Variants in SPATA16 observed in about 807,000 individuals in gnomAD.
SPATA16 encodes the protein spermatogenesis-associated protein 16.
SPATA16 carries 36 observed loss-of-function variants against 63.3 expected under a neutral mutation model. The ratio of observed to expected loss-of-function variants is 0.57; its 90% CI spans 0.44 to 0.75. SPATA16 has a LOEUF of 0.75. Among genes scored for constraint, SPATA16 ranks in the 30% least tolerant of loss-of-function variants. The pLI, the probability that SPATA16 is intolerant of heterozygous loss-of-function variation, is 0.00. For missense variants in SPATA16, 646 were observed against 679.3 expected (o/e 0.95, Z 0.54); for synonymous variants, 203 against 216.7 (o/e 0.94, Z 0.56).
At chr3:172,891,329 C>T (rs1418545128) in intron 10 of SPATA16, among the ~76,000 whole-genome samples, 1 of 152,044 alleles carries the variant, frequency 6.6e-6, no homozygotes, top group Non-Finnish European at 1.5e-5. Flanking sequence ...TCATTAAGAG[C>T]AGTACTGAGT....
chr3:172,943,350 G>A (rs1733203463), intron 6 of SPATA16, among the ~76,000 whole-genome samples: 1 of 152,182 alleles, frequency 6.6e-6, no homozygotes, highest in African/African-American at 2.4e-5. Context: ...GGAACAACAT[G>A]TAAATGCCTG....
chr3:173,110,753 A>G (rs746729746), intron 2 of SPATA16, among the ~76,000 whole-genome samples: 3 of 152,216 alleles, frequency 2.0e-5, no homozygotes, highest in Non-Finnish European at 4.4e-5. Context: ...CTCCAAATTC[A>G]GTGCCCTGTC....
chr3:172,970,903 G>A (rs1249130761), intron 5 of SPATA16, among the ~76,000 whole-genome samples: 1 of 152,114 alleles, frequency 6.6e-6, no homozygotes, highest in Non-Finnish European at 1.5e-5. Context: ...TTTGGGGTTA[G>A]CATACATTTT....
chr3:173,069,632 C>G (rs750102161), intron 2 of SPATA16, among the ~76,000 whole-genome samples: 9 of 152,268 alleles, frequency 5.9e-5, no homozygotes, highest in Admixed American at 2.0e-4. Context: ...CAGACTTATT[C>G]TATGAGGTCA....
chr3:172,943,958 G>C (rs895550912), intron 6 of SPATA16, among the ~76,000 whole-genome samples: 9 of 152,034 alleles, frequency 5.9e-5, no homozygotes, highest in Non-Finnish European at 1.0e-4. Context: ...TCATAAATTT[G>C]AAAATTTTTA....
chr3:172,958,788 C>T (rs1007084344), intron 5 of SPATA16, among the ~76,000 whole-genome samples: 10 of 151,510 alleles, frequency 6.6e-5, no homozygotes, highest in East Asian at 1.9e-4. Flanking sequence ...TGTGTGCACG[C>T]ACGTGTGTGT....
chr3:172,934,835 A>G (rs1732944333), intron 6 of SPATA16, among the ~76,000 whole-genome samples: 1 of 152,196 alleles, frequency 6.6e-6, no homozygotes, highest in South Asian at 2.1e-4. Context: ...CTTGATATAT[A>G]GATATTAGAT....
intron 5 of SPATA16, among the ~76,000 whole-genome samples, chr3:172,966,962 T>G (rs1290483782): frequency 6.6e-6 from 1 of 152,172 alleles, no homozygotes; most frequent in Non-Finnish European, 1.5e-5. Flanking sequence ...CATAAAACCC[T>G]CTAAATTTGG....
At chr3:172,939,056 T>A (rs1349400554) in intron 6 of SPATA16, among the ~76,000 whole-genome samples, 1 of 152,172 alleles carries the variant, frequency 6.6e-6, no homozygotes, top group Non-Finnish European at 1.5e-5. Flanking sequence ...TAAATCTACT[T>A]ATGACCCGGG....
intron 2 of SPATA16, among the ~76,000 whole-genome samples, chr3:173,066,927 AGG>A (rs1362050502): frequency 2.0e-5 from 3 of 152,176 alleles, no homozygotes; most frequent in African/African-American, 7.2e-5. Context: ...AAGATAACAC[AGG>A]AAAGGAATTA....
chr3:173,121,483 A>T (rs1222052912), intron 1 of SPATA16, among the ~76,000 whole-genome samples: 1 of 152,140 alleles, frequency 6.6e-6, no homozygotes, highest in African/African-American at 2.4e-5. Flanking sequence ...CTACCTTTCC[A>T]AACCTACCAA....
intron 1 of SPATA16, among the ~76,000 whole-genome samples, chr3:173,120,110 A>G (rs1205285717): frequency 4.6e-5 from 7 of 151,908 alleles, no homozygotes; most frequent in East Asian, 1.9e-4. Flanking sequence ...AAGAGAGAGA[A>G]AAAAAGAAAG....
chr3:173,020,865 A>G (rs1577135303), intron 3 of SPATA16, among the ~76,000 whole-genome samples: 1 of 152,180 alleles, frequency 6.6e-6, no homozygotes, highest in Non-Finnish European at 1.5e-5. Context: ...TATTTTTACA[A>G]GTTGATGGGA....
At chr3:173,077,987 G>A (rs1183153261) in intron 2 of SPATA16, among the ~76,000 whole-genome samples, 1 of 152,050 alleles carries the variant, frequency 6.6e-6, no homozygotes, top group African/African-American at 2.4e-5. Flanking sequence ...GATAATTAAA[G>A]CACCTCTATA....
In SPATA16 at chr3:173,106,081, T is replaced by C. The variant is rs112752474; in HGVS notation, c.612+11039A>G. ...AATAGGTAATAACACAGAGACTGAA[T>C]ACTATATTTTCTCTATATATACACT... is the stretch of plus-strand genomic sequence containing the variant. On this transcript the variant is annotated intron_variant, in intron 2 of 10. Transcript: ENST00000351008. Among the ~76,000 whole-genome samples, 792 of 152,296 alleles carry C rather than the reference T, an allele frequency of 5.2e-3. 4 individuals carry two copies. Among genetic ancestry groups the C allele is most frequent in the African/African-American group, 0.017 (719 of 41,568 alleles).
At position 173,051,256 on chromosome 3, in the gene SPATA16, G is replaced by A. The variant is rs1002948157; in HGVS notation, c.613-2162C>T. Among the ~76,000 whole-genome samples the A allele has an allele frequency of 3.3e-5, 5 of 152,176 alleles. No homozygotes were observed. In the East Asian group the frequency reaches 5.8e-4, roughly 18 times the overall value. On this transcript the variant is annotated intron_variant, in intron 2 of 10. Transcript: ENST00000351008. ...CTGGCTGTGTCTCCCAGGCTGGAGT[G>A]TAGTGGCGCGATCTCTCCTCACAGC...
intron 2 of SPATA16, among the ~76,000 whole-genome samples, chr3:173,108,760 T>C (rs1737679207): frequency 6.6e-6 from 1 of 152,206 alleles, no homozygotes; most frequent in African/African-American, 2.4e-5. Context: ...ATACCTTATT[T>C]TCACTATATC....
At chr3:173,138,806 A>G (rs1383194225) in intron 1 of SPATA16, among the ~76,000 whole-genome samples, 2 of 152,190 alleles carry the variant, frequency 1.3e-5, no homozygotes, top group Non-Finnish European at 2.9e-5. Context: ...GGTCAACTCA[A>G]TTACCTTTCA....
At chr3:173,059,055 G>C (rs1736314855) in intron 2 of SPATA16, among the ~76,000 whole-genome samples, 1 of 151,902 alleles carries the variant, frequency 6.6e-6, no homozygotes, top group Non-Finnish European at 1.5e-5. Context: ...TTACAGTAGA[G>C]AACATTATAT....
Sources: allele counts gnomAD v4.1 joint callset (sites outside exome capture counted in the v4.1 genomes callset), GRCh38; gene constraint gnomAD v4.1.1; transcripts MANE v1.5; gene names NCBI Gene and HGNC (gene_info 2026-07-23, HGNC 2026-07-21).